The following MAPK3 variants were observed in gnomAD, a reference collection of about 807,000 sequenced individuals.
MAPK3 encodes MAPK 1.
MAPK3 carries 30 observed loss-of-function variants against 41.8 expected under a neutral mutation model. That is an observed-to-expected ratio of 0.72 (90% CI 0.54 to 0.97). MAPK3 has a LOEUF of 0.97. MAPK3 is among the 50% of genes least tolerant of loss of function. The pLI, the probability that MAPK3 is intolerant of heterozygous loss-of-function variation, is 0.00. For missense variants in MAPK3, 413 were observed against 509.9 expected (o/e 0.81, Z 1.83); for synonymous variants, 222 against 213.4 (o/e 1.04, Z -0.35).
Position 30,116,804 on chromosome 16 carries a change from G to A in MAPK3, c.1018-14C>T. ...CTCGGCCACTGGCTGGGGTGGTAGA[G>A]ACAGCAAGGCTCAGGCCTGGCATGG... is the stretch of plus-strand genomic sequence containing the variant. On this transcript the variant is annotated splice_polypyrimidine_tract_variant and intron_variant, in intron 7 of 8. Transcript: ENST00000263025. 2 of 1,613,792 alleles carry A rather than the reference G, an allele frequency of 1.2e-6. No individual in the cohort carries two copies. Among genetic ancestry groups the A allele is most frequent in the Non-Finnish European group, 1.7e-6 (2 of 1,179,962 alleles).
In MAPK3 at chr16:30,117,188, A is replaced by G. The variant is rs780233170; in HGVS notation, c.873T>C (p.Ala291=). 3 of 1,614,120 alleles carry G rather than the reference A, an allele frequency of 1.9e-6. No homozygotes were observed. The highest frequency in any genetic ancestry group is 2.5e-6 in the Non-Finnish European group (3 of 1,180,008). The change falls in exon 6 of 9, where the codon GCT becomes GCC. Residue 291 remains alanine (A), a synonymous_variant. Transcript: ENST00000263025. The stretch of plus-strand genomic sequence containing the variant: ...CTGACTTGGGGAAAAGCTTGGCCCA[A>G]GCCACCTTGGTCTTGGAGGGCAGAG... ...LQSLPSKTKV[A]WAKLFPKSDS...
chr16:30,123,139 A>G lies in MAPK3; in HGVS notation c.71T>C (p.Val24Ala), dbSNP rs1596884823. The G allele has an allele frequency of 6.7e-7, 1 of 1,497,498 alleles. No homozygotes were observed. The highest frequency in any genetic ancestry group is 8.9e-7 in the Non-Finnish European group (1 of 1,119,292). 92.8% of individuals were successfully genotyped at this position (1,497,498 alleles called of 1,614,324 possible). ...CTTCACCATCTCCACCTCCCCCGGG[A>G]CCCCCGGGCCGACCCCCTCGGTTCT... Reference protein sequence around the residue: ...PRRTEGVGPGVPGEVEMVKGQ... With the variant: ...PRRTEGVGPGAPGEVEMVKGQ... Residue 24 changes from valine to alanine, a missense_variant, in exon 1 of 9, where the codon GTC (valine) becomes GCC (alanine). Physicochemically the swap from Val to Ala is moderately conservative, Grantham distance 64. Coordinates refer to ENST00000263025, the MANE Select transcript of MAPK3 (RefSeq NM_002746.3).
At chr16:30,119,192 T>G (rs1444166338) in intron 2 of MAPK3, among the ~76,000 whole-genome samples, 4 of 151,426 alleles carry the variant, frequency 2.6e-5, no homozygotes, top group African/African-American at 9.7e-5. Context: ...GAGCAGCAAC[T>G]CTGGAGTTAA....
At chr16:30,118,292 G>T in intron 3 of MAPK3, 57 bp downstream of exon 3, 1 of 1,581,932 alleles carries the variant, frequency 6.3e-7, no homozygotes, top group Non-Finnish European at 8.6e-7. Context: ...TTCTTCTACT[G>T]GTCACTGGAA....
At chr16:30,115,260 G>A (rs867064466) in intron 8 of MAPK3, among the ~76,000 whole-genome samples, 6 of 152,064 alleles carry the variant, frequency 3.9e-5, no homozygotes, top group East Asian at 1.9e-4. Flanking sequence ...GATTGACTCC[G>A]GAAACTGAGG....
chr16:30,115,054 T>C (rs1278899925), intron 8 of MAPK3, among the ~76,000 whole-genome samples: 3 of 132,988 alleles, frequency 2.3e-5, no homozygotes, highest in African/African-American at 5.8e-5. Flanking sequence ...CTGGGCAACA[T>C]AGCAAGACCC....
At chr16:30,117,564 T>G in intron 5 of MAPK3, 106 bp downstream of exon 5, 1 of 880,182 alleles carries the variant, frequency 1.1e-6, no homozygotes, top group East Asian at 2.4e-5. Flanking sequence ...TACCATGAGA[T>G]GCTGGAGGCA....
chr16:30,120,613 G>A (rs1006435934), intron 2 of MAPK3, among the ~76,000 whole-genome samples: 1 of 152,030 alleles, frequency 6.6e-6, no homozygotes, highest in Non-Finnish European at 1.5e-5. Context: ...GTTCCCATCT[G>A]GGGGAGGAGA....
intron 1 of MAPK3, 99 bp from the exon 2 acceptor site, chr16:30,122,105 G>C (rs561733452): frequency 1.8e-6 from 2 of 1,132,872 alleles, no homozygotes; most frequent in South Asian, 1.3e-5. Context: ...GAGAGAGCAG[G>C]AGCTGGCTCT....
chr16:30,122,759 G>T, intron 1 of MAPK3: 1 of 335,160 alleles, frequency 3.0e-6, no homozygotes, highest in Non-Finnish European at 5.4e-6. Flanking sequence ...TGTCACTAGG[G>T]TCCCCGCGGG....
At position 30,121,852 on chromosome 16, in the gene MAPK3, C is replaced by A. The variant is rs749295922; in HGVS notation, c.325G>T (p.Ala109Ser). ...NVIGIRDILR[A>S]STLEAMRDVY... Reference sequence around the variant, plus strand: ...TCTCTCATGGCTTCCAGGGTGGACGCCCGCAGAATGTCTCGGATGCCGATG... The same window carrying A: ...TCTCTCATGGCTTCCAGGGTGGACGACCGCAGAATGTCTCGGATGCCGATG... Residue 109 changes from alanine (A) to serine (S), a missense_variant, in exon 2 of 9, where the codon GCG becomes TCG. By Grantham distance (99) the Ala-to-Ser change is moderately conservative. Transcript: ENST00000263025. The A allele has an allele frequency of 6.2e-7, 1 of 1,614,114 alleles. No individual in the cohort carries two copies. The highest frequency in any genetic ancestry group is 8.5e-7 in the Non-Finnish European group (1 of 1,180,016).
In MAPK3 at chr16:30,116,674, G is replaced by T; in HGVS notation, c.1134C>A (p.Ala378=). 6.2e-7 allele frequency: 1 copy of T among 1,613,312 alleles called. No homozygotes were observed. The highest frequency in any genetic ancestry group is 8.5e-7 in the Non-Finnish European group (1 of 1,179,968). ...TARFQPGVLE[A]P is the part of the protein sequence containing the mutation. ...GCAGAGATGTCTGTCTGGGCTAGGG[G>T]GCCTCCAGCACTCCGGGCTGGAAGC... is the stretch of plus-strand genomic sequence containing the variant. Residue 378 remains alanine, a synonymous_variant, in exon 8 of 9, where the codon GCC becomes GCA. Coordinates refer to ENST00000263025, the MANE Select transcript of MAPK3 (RefSeq NM_002746.3).
chr16:30,117,932 CA>C, intron 4 of MAPK3, 114 bp downstream of exon 4: 2 of 1,139,700 alleles, frequency 1.8e-6, no homozygotes, highest in Non-Finnish European at 2.6e-6. Context: ...TTGCAGAGCC[CA>C]AGGCCCAGAG....
Position 30,117,732 on chromosome 16 carries a change from A to T in MAPK3, c.713T>A (p.Met238Lys). Reference protein sequence around the residue: ...IWSVGCILAEMLSNRPIFPGK... With the variant: ...IWSVGCILAEKLSNRPIFPGK... The stretch of plus-strand genomic sequence containing the variant: ...AGGGAAGATGGGCCGGTTAGAGAGC[A>T]TCTCAGCCAGAATGCAGCCCACAGA... The change falls in exon 5 of 9, where the codon ATG becomes AAG. Residue 238 changes from methionine to lysine, a missense_variant. Met to Lys is a moderately conservative substitution (Grantham distance 95). Around this residue, in one of 4 missense-constraint regions of MAPK3, gnomAD observed 140 missense variants for 206.0 expected, o/e 0.68. Transcript: ENST00000263025. 6.2e-7 allele frequency: 1 copy of T among 1,614,132 alleles called. No homozygotes were observed. The highest frequency in any genetic ancestry group is 8.5e-7 in the Non-Finnish European group (1 of 1,179,994).
At position 30,116,925 on chromosome 16, in the gene MAPK3, T is replaced by C. The variant is rs2072962102; in HGVS notation, c.986A>G (p.Tyr329Cys). ...CGTCGGGTCATAGTACTGCTCCAGGTAGGGGTGAGCCAGCGCTTCCTCCAC... is the reference window on the plus strand; with the variant it reads ...CGTCGGGTCATAGTACTGCTCCAGGCAGGGGTGAGCCAGCGCTTCCTCCAC... ...ITVEEALAHPYLEQYYDPTDE... is the reference protein window; with the variant it reads ...ITVEEALAHPCLEQYYDPTDE... The change falls in exon 7 of 9, where the codon TAC becomes TGC. Residue 329 changes from tyrosine to cysteine, a missense_variant. Physicochemically the swap from Tyr to Cys is radical, Grantham distance 194. This residue lies in a region of MAPK3 where 123 missense variants were observed against 147.8 expected (regional missense o/e 0.83). Coordinates refer to ENST00000263025, the MANE Select transcript of MAPK3 (RefSeq NM_002746.3). 6.2e-7 allele frequency: 1 copy of C among 1,613,836 alleles called. No homozygotes were observed. The highest frequency in any genetic ancestry group is 2.2e-5 in the East Asian group (1 of 44,848).
intron 2 of MAPK3, among the ~76,000 whole-genome samples, chr16:30,119,302 GT>G (rs558402885): frequency 1.1e-3 from 173 of 152,070 alleles, no homozygotes; most frequent in African/African-American, 4.0e-3. Context: ...GGGAAATAAT[GT>G]TTTTTTGTTT....
chr16:30,117,683 G>T lies in MAPK3; in HGVS notation c.762C>A (p.Leu254=). 1 of 1,613,876 alleles carries T rather than the reference G, an allele frequency of 6.2e-7. No homozygotes were observed. The highest frequency in any genetic ancestry group is 8.5e-7 in the Non-Finnish European group (1 of 1,179,820). ...GGCCTCCCTCACCCAGAATGTGGTT[G>T]AGCTGATCCAGGTAGTGCTTGCCAG... ...IFPGKHYLDQ[L]NHILGILGSP... Residue 254 remains leucine (L), a synonymous_variant, in exon 5 of 9, where the codon CTC becomes CTA. Coordinates refer to ENST00000263025, the MANE Select transcript of MAPK3 (RefSeq NM_002746.3).
At chr16:30,120,883 T>C (rs887638778) in intron 2 of MAPK3, among the ~76,000 whole-genome samples, 11 of 151,700 alleles carry the variant, frequency 7.3e-5, no homozygotes, top group African/African-American at 2.2e-4. Flanking sequence ...GGGGTCTCAC[T>C]ATGCTGCCCA....
At chr16:30,121,664 A>C (rs1217546856) in intron 2 of MAPK3, among the ~76,000 whole-genome samples, 160 bp downstream of exon 2, 3 of 152,198 alleles carry the variant, frequency 2.0e-5, no homozygotes, top group Non-Finnish European at 2.9e-5. Context: ...AGAGGTCTCC[A>C]AGTCCTGTTA....
Sources: allele counts gnomAD v4.1 joint callset (sites outside exome capture counted in the v4.1 genomes callset), GRCh38; gene constraint gnomAD v4.1.1; regional missense constraint gnomAD v4.1.1; transcripts MANE v1.5; gene names NCBI Gene and HGNC (gene_info 2026-07-23, HGNC 2026-07-21).